KIAA2012: variants seen among roughly 807,000 people sequenced by gnomAD.
The protein encoded by KIAA2012 is uncharacterized protein KIAA2012.
KIAA2012 carries 125 observed loss-of-function variants against 150.6 expected under a neutral mutation model. That is an observed-to-expected ratio of 0.83 (90% CI 0.72 to 0.96). KIAA2012 has a LOEUF of 0.96. KIAA2012 is among the 40% of genes least tolerant of loss of function. The pLI, the probability that KIAA2012 is intolerant of heterozygous loss-of-function variation, is 0.00. For synonymous variants in KIAA2012, 462 were observed against 504.7 expected (o/e 0.92, Z 1.13); for missense variants, 1,219 against 1,354.9 (o/e 0.90, Z 1.57).
rs939985352 is a variant in KIAA2012, at chr2:202,134,854, C to T, written c.1832-3578C>T. On this transcript the variant is annotated intron_variant, in intron 12 of 23. Coordinates refer to ENST00000498697, the MANE Select transcript of KIAA2012 (RefSeq NM_001277372.4). ...ACAGGCGTGAGCCACCACGCCCTGCCGACTATGTTTCATTTTTATTGAAAA... is the reference window on the plus strand; with the variant it reads ...ACAGGCGTGAGCCACCACGCCCTGCTGACTATGTTTCATTTTTATTGAAAA... 2.6e-5 allele frequency among the ~76,000 whole-genome samples: 4 copies of T among 152,240 alleles called. No homozygotes were observed. In the East Asian group the frequency reaches 7.7e-4, roughly 29 times the overall value.
At chr2:202,127,113 G>A (rs202033043) in intron 12 of KIAA2012, among the ~76,000 whole-genome samples, 2 of 149,846 alleles carry the variant, frequency 1.3e-5, no homozygotes, top group Non-Finnish European at 1.5e-5. Context: ...GGAGAAGCTG[G>A]AAAAAAAAAA....
At chr2:202,108,869 T>C (rs1015318784) in intron 9 of KIAA2012, among the ~76,000 whole-genome samples, 1 of 152,236 alleles carries the variant, frequency 6.6e-6, no homozygotes, top group African/African-American at 2.4e-5. Flanking sequence ...CAAATATTAA[T>C]AGCAACTATT....
At chr2:202,139,234 G>GAA (rs112360052) in intron 13 of KIAA2012, among the ~76,000 whole-genome samples, 8 of 116,358 alleles carry the variant, frequency 6.9e-5, no homozygotes, top group Non-Finnish European at 9.1e-5. Context: ...CCTGTCTCAG[G>GAA]AAAAAAAAAA....
At chr2:202,090,616 T>G (rs539210204) in intron 2 of KIAA2012, among the ~76,000 whole-genome samples, 154 bp from the exon 3 acceptor site, 1 of 152,344 alleles carries the variant, frequency 6.6e-6, no homozygotes, top group African/African-American at 2.4e-5. Context: ...GGGCTCTTGG[T>G]TCATGTCTAT....
At chr2:202,110,570 G>A (rs977488748) in intron 10 of KIAA2012, among the ~76,000 whole-genome samples, 5 of 152,210 alleles carry the variant, frequency 3.3e-5, no homozygotes, top group Non-Finnish European at 7.3e-5. Context: ...AGATGAAGGA[G>A]ATGACATGTG....
rs1168417787 is a variant in KIAA2012, at chr2:202,100,427, C to T, written c.1133C>T (p.Pro378Leu). 1.3e-6 allele frequency: 2 copies of T among 1,550,324 alleles called. No homozygotes were observed. Among genetic ancestry groups the T allele is most frequent in the South Asian group, 1.2e-5 (1 of 84,028 alleles). ...GCCACTGGCTCCAGAATAATCACCC[C>T]TGGGGAAGTGAAGAAGAAAAAGGTT... ...ASATGSRIIT[P>L]GEVKKKKAPK... Residue 378 changes from proline (P) to leucine (L), a missense_variant, in exon 7 of 24, where the codon CCT becomes CTT. Pro to Leu is a moderately conservative substitution (Grantham distance 98). Transcript: ENST00000498697.
At chr2:202,123,962 G>A (rs1690714953) in intron 11 of KIAA2012, among the ~76,000 whole-genome samples, 1 of 152,118 alleles carries the variant, frequency 6.6e-6, no homozygotes. Context: ...GCAGAAGCAG[G>A]TGGATCAGCT....
At chr2:202,167,623 A>T (rs1691797266) in intron 15 of KIAA2012, among the ~76,000 whole-genome samples, 1 of 152,092 alleles carries the variant, frequency 6.6e-6, no homozygotes, top group African/African-American at 2.4e-5. Context: ...AAGTTGTTGG[A>T]GACCAACCTG....
chr2:202,179,447 CAG>C, intron 15 of KIAA2012: 2 of 717,832 alleles, frequency 2.8e-6, no homozygotes, highest in East Asian at 5.7e-5. Context: ...CGAGAAAAAA[CAG>C]AAATTCATTC....
chr2:202,188,361 ACTCT>A, intron 18 of KIAA2012, 95 bp downstream of exon 18: 1 of 987,228 alleles, frequency 1.0e-6, no homozygotes, highest in Admixed American at 2.7e-5. Flanking sequence ...TACCGGACAA[ACTCT>A]CTGTTTTGAG....
chr2:202,170,544 G>A (rs141029575), intron 15 of KIAA2012, among the ~76,000 whole-genome samples: 45 of 152,320 alleles, frequency 3.0e-4, no homozygotes, highest in Non-Finnish European at 6.0e-4. Flanking sequence ...AGCCTTCATG[G>A]TTGGATAAAA....
At chr2:202,193,225 T>A in intron 19 of KIAA2012, 76 bp from the exon 20 acceptor site, 1 of 1,373,192 alleles carries the variant, frequency 7.3e-7, no homozygotes, top group Non-Finnish European at 1.0e-6. Context: ...GAGACAACAC[T>A]GTCTGGGGTG....
In KIAA2012 at chr2:202,089,013, C is replaced by T. The variant is rs890359183; in HGVS notation, c.370-1757C>T. ...CAAGGCTCTTTCCCAAGCTTTCTCA[C>T]AGGCTGTCTCCTTCCCACTCTTTGG... is the stretch of plus-strand genomic sequence containing the variant. On this transcript the variant is annotated intron_variant, in intron 2 of 23. Transcript: ENST00000498697. Among the ~76,000 whole-genome samples, 8 of 152,350 alleles carry T rather than the reference C, an allele frequency of 5.3e-5. No individual in the cohort carries two copies. The South Asian group carries it at 1.0e-3, about 20-fold the overall frequency.
intron 16 of KIAA2012, among the ~76,000 whole-genome samples, chr2:202,186,100 C>G (rs1692221596): frequency 6.6e-6 from 1 of 152,208 alleles, no homozygotes; most frequent in Admixed American, 6.5e-5. Context: ...GCCCTTTCTA[C>G]CCAGAGGGCA....
intron 2 of KIAA2012, among the ~76,000 whole-genome samples, chr2:202,078,375 A>G (rs1324864529): frequency 6.6e-6 from 1 of 152,144 alleles, no homozygotes; most frequent in Non-Finnish European, 1.5e-5. Context: ...TGCGGCCTCA[A>G]ACTCCTGGGC....
At chr2:202,077,889 T>C (rs1258733296) in intron 2 of KIAA2012, among the ~76,000 whole-genome samples, 1 of 152,144 alleles carries the variant, frequency 6.6e-6, no homozygotes, top group Non-Finnish European at 1.5e-5. Context: ...TAGAGTACCA[T>C]CTGACTATGA....
chr2:202,187,123 G>T, intron 17 of KIAA2012, 25 bp downstream of exon 17: 1 of 1,547,576 alleles, frequency 6.5e-7, no homozygotes, highest in Non-Finnish European at 8.7e-7. Flanking sequence ...CTAAAAGCTT[G>T]GTCCAAAAGC....
chr2:202,191,016 C>T (rs1390428679), intron 19 of KIAA2012, among the ~76,000 whole-genome samples: 3 of 152,152 alleles, frequency 2.0e-5, no homozygotes, highest in Non-Finnish European at 2.9e-5. Context: ...TGGTAGTTCA[C>T]GCCTGTAATC....
intron 19 of KIAA2012, 93 bp downstream of exon 19, chr2:202,190,586 C>A: frequency 1.1e-6 from 1 of 946,180 alleles, no homozygotes; most frequent in Non-Finnish European, 1.6e-6. Context: ...TTATATTGCA[C>A]TTACTAAAAC....
Sources: gnomAD v4.1 joint callset for allele counts (sites outside exome capture counted in the v4.1 genomes callset) on GRCh38, gnomAD v4.1.1 for gene constraint, MANE v1.5 for transcripts, NCBI Gene and HGNC (gene_info 2026-07-23, HGNC 2026-07-21) for gene names.